MYO16: variants seen among roughly 807,000 people sequenced by gnomAD.
MYO16 encodes the protein myosin XVI, also known as unconventional myosin-XVI.
A neutral mutation model predicts 205.3 loss-of-function variants in MYO16; 94 were observed. That is an observed-to-expected ratio of 0.46 (90% CI 0.39 to 0.54). MYO16 has a LOEUF of 0.54. MYO16 is among the 20% of genes least tolerant of loss of function. MYO16 has a pLI of 0.00. For synonymous variants in MYO16, 988 were observed against 954.0 expected (o/e 1.04, Z -0.66); for missense variants, 2,315 against 2,387.5 (o/e 0.97, Z 0.63).
In MYO16 at chr13:108,962,504, T is replaced by C; in HGVS notation, c.2227+9T>C. On this transcript the variant is annotated intron_variant, in intron 19 of 34. Transcript: ENST00000457511. ...TATTCAATATTTTAAAGGTAATTTTTTTATGCTCTAACATCTTTGTGCAAT... is the reference window on the plus strand; with the variant it reads ...TATTCAATATTTTAAAGGTAATTTTCTTATGCTCTAACATCTTTGTGCAAT... 1 of 1,549,616 alleles carries C rather than the reference T, an allele frequency of 6.5e-7. No homozygotes were observed. Among genetic ancestry groups the C allele is most frequent in the East Asian group, 2.3e-5 (1 of 43,432 alleles).
chr13:109,199,927 G>A (rs1465411217), intron 34 of MYO16, among the ~76,000 whole-genome samples: 1 of 152,120 alleles, frequency 6.6e-6, no homozygotes, highest in Non-Finnish European at 1.5e-5. Context: ...TAAATGCTTT[G>A]TATTGTTTAT....
At chr13:108,848,754 G>A (rs1422951963) in intron 10 of MYO16, among the ~76,000 whole-genome samples, 1 of 152,202 alleles carries the variant, frequency 6.6e-6, no homozygotes, top group Admixed American at 6.5e-5. Context: ...GTTGGAGGCT[G>A]CGGTGAGCTA....
intron 4 of MYO16, among the ~76,000 whole-genome samples, chr13:108,748,366 A>G (rs1885129041): frequency 1.3e-5 from 2 of 152,096 alleles, no homozygotes; most frequent in Admixed American, 1.3e-4. Context: ...AAGCTTAGAG[A>G]GAAATTTATA....
chr13:108,742,943 C>A (rs963784750), intron 4 of MYO16, among the ~76,000 whole-genome samples: 1 of 152,116 alleles, frequency 6.6e-6, no homozygotes, highest in South Asian at 2.1e-4. Flanking sequence ...TTTTCTGATA[C>A]GATTTTAGAT....
chr13:108,692,002 T>A (rs1882916127), intron 2 of MYO16, among the ~76,000 whole-genome samples: 1 of 152,218 alleles, frequency 6.6e-6, no homozygotes, highest in African/African-American at 2.4e-5. Context: ...GCATTTTTAC[T>A]GTCCCTAAGT....
chr13:108,882,189 G>A (rs1879648470), intron 12 of MYO16, among the ~76,000 whole-genome samples: 1 of 152,182 alleles, frequency 6.6e-6, no homozygotes, highest in African/African-American at 2.4e-5. Context: ...GTATTCTCCT[G>A]TGTAACCTCC....
At chr13:108,705,031 C>T (rs547181317) in intron 2 of MYO16, among the ~76,000 whole-genome samples, 43 of 152,054 alleles carry the variant, frequency 2.8e-4, no homozygotes, top group African/African-American at 1.0e-3. Flanking sequence ...TGCCCCCTTA[C>T]CCATGATTTT....
At chr13:109,093,067 T>G (rs1164719022) in intron 27 of MYO16, among the ~76,000 whole-genome samples, 1 of 152,204 alleles carries the variant, frequency 6.6e-6, no homozygotes, top group Non-Finnish European at 1.5e-5. Context: ...TATGGAAGCG[T>G]GTTTTTATGC....
intron 34 of MYO16, among the ~76,000 whole-genome samples, chr13:109,200,086 G>A (rs1880340652): frequency 6.6e-6 from 1 of 152,140 alleles, no homozygotes; most frequent in South Asian, 2.1e-4. Flanking sequence ...ATATTGTTAA[G>A]GAGTACTGGC....
Position 108,665,906 on chromosome 13 carries a change from G to A in MYO16, c.49G>A (p.Val17Ile), listed in dbSNP as rs372449926. The stretch of plus-strand genomic sequence containing the variant: ...TCCAGGTTGCTTTCAGCTATGTAAC[G>A]TTTTTCGATCCCATGAGATGGAAAT... ...IKCCCFQLCN[V>I]FRSHEMEIDQ... The change falls in exon 2 of 35, where the codon GTT becomes ATT. Residue 17 changes from valine (V) to isoleucine (I), a missense_variant. This residue lies in a region of MYO16 where 1,213 missense variants were observed against 1,274.4 expected (regional missense o/e 0.95). Transcript: ENST00000457511. 4.3e-6 allele frequency: 7 copies of A among 1,613,788 alleles called. No homozygotes were observed. The highest frequency in any genetic ancestry group is 4.5e-5 in the East Asian group (2 of 44,872).
the MYO16 span, among the ~76,000 whole-genome samples, chr13:108,497,804 T>G: frequency 6.6e-6 from 1 of 152,186 alleles, no homozygotes; most frequent in African/African-American, 2.4e-5. Context: ...CTGTGCTGGG[T>G]CATGAATGTA....
At chr13:108,590,268 G>A in the MYO16 span, among the ~76,000 whole-genome samples, 8 of 152,308 alleles carry the variant, frequency 5.3e-5, no homozygotes, top group Admixed American at 2.0e-4. Flanking sequence ...TTATGCAGTG[G>A]TTCTCAAACC....
At chr13:108,958,301 A>G (rs2139359406) in intron 17 of MYO16, among the ~76,000 whole-genome samples, 1 of 150,628 alleles carries the variant, frequency 6.6e-6, no homozygotes, top group East Asian at 1.9e-4. Flanking sequence ...ATAACTTTAT[A>G]CTTGATCAAC....
chr13:108,679,120 A>C (rs987524798), intron 2 of MYO16, among the ~76,000 whole-genome samples: 1 of 152,172 alleles, frequency 6.6e-6, no homozygotes, highest in Non-Finnish European at 1.5e-5. Flanking sequence ...GGGCTTCAAC[A>C]TAAGAATATT....
At chr13:108,753,612 A>C (rs1275203428) in intron 4 of MYO16, among the ~76,000 whole-genome samples, 1 of 152,184 alleles carries the variant, frequency 6.6e-6, no homozygotes, top group Non-Finnish European at 1.5e-5. Flanking sequence ...CCTAGGTATT[A>C]ATTAAAATGT....
intron 4 of MYO16, among the ~76,000 whole-genome samples, chr13:108,746,749 A>G (rs1300554460): frequency 6.6e-6 from 1 of 152,186 alleles, no homozygotes; most frequent in Non-Finnish European, 1.5e-5. Context: ...TCTGAAATTC[A>G]TGACAGACAC....
intron 7 of MYO16, among the ~76,000 whole-genome samples, chr13:108,819,370 G>T (rs561462288): frequency 6.6e-6 from 1 of 152,020 alleles, no homozygotes; most frequent in Non-Finnish European, 1.5e-5. Flanking sequence ...GAATCTATAC[G>T]ATAGGATTTC....
chr13:108,657,687 A>C (rs1006494478), intron 1 of MYO16, among the ~76,000 whole-genome samples: 3 of 152,294 alleles, frequency 2.0e-5, no homozygotes, highest in Middle Eastern at 3.4e-3. Context: ...TTTGACTTGC[A>C]TTCAGCAAAG....
chr13:108,699,125 T>TAC, intron 2 of MYO16, among the ~76,000 whole-genome samples: 1 of 151,290 alleles, frequency 6.6e-6, no homozygotes, highest in African/African-American at 2.4e-5. Context: ...TGTGTGTATA[T>TAC]ACACATATAT....
Sources: allele counts gnomAD v4.1 joint callset (sites outside exome capture counted in the v4.1 genomes callset), GRCh38; gene constraint gnomAD v4.1.1; regional missense constraint gnomAD v4.1.1; transcripts MANE v1.5; gene names NCBI Gene and HGNC (gene_info 2026-07-23, HGNC 2026-07-21).